RAPGEF1: variants seen among roughly 807,000 people sequenced by gnomAD.
RAPGEF1 encodes CRK SH3-binding GNRP.
In RAPGEF1, 33 loss-of-function variants were observed where a neutral mutation model predicts 143.3. The ratio of observed to expected loss-of-function variants is 0.23; its 90% confidence interval spans 0.17 to 0.31. RAPGEF1 has a LOEUF of 0.31. RAPGEF1 is among the 10% of genes least tolerant of loss of function. The pLI is 1.00. For synonymous variants in RAPGEF1, 629 were observed against 676.5 expected, an observed-to-expected ratio of 0.93 and a Z score of 1.09; for missense variants, 1,199 against 1,645.4, an observed-to-expected ratio of 0.73 and a Z score of 4.69.
chr9:131,694,826 T>C (rs955669533), intron 1 of RAPGEF1, among the ~76,000 whole-genome samples: 2 of 151,854 alleles, frequency 1.3e-5, no homozygotes, highest in African/African-American at 4.8e-5. Context: ...ACTTTAAGTT[T>C]TAGGGTACAT....
chr9:131,602,163 T>TG lies in RAPGEF1; in HGVS notation c.2413-15dup, dbSNP rs779908339. 3.8e-6 allele frequency: 6 copies of TG among 1,566,582 alleles called. 1 individual carries two copies. The Admixed American group carries it at 1.1e-4, about 29-fold the overall frequency. On this transcript the variant is annotated splice_polypyrimidine_tract_variant and intron_variant, in intron 14 of 26. Transcript: ENST00000683357. The stretch of plus-strand genomic sequence containing the variant: ...AGCCGGTGGCTCCTGGAAAGAGGAG[T>TG]GGGTGCTGAGTTCTGGACAGGGGCC...
At chr9:131,602,199 C>T in intron 14 of RAPGEF1, 50 bp from the exon 15 acceptor site, 1 of 1,374,260 alleles carries the variant, frequency 7.3e-7, no homozygotes, top group Non-Finnish European at 1.0e-6. Flanking sequence ...CTCTGCGGGG[C>T]TGCTCTGTCT....
intron 1 of RAPGEF1, among the ~76,000 whole-genome samples, chr9:131,734,238 C>T (rs1837275793): frequency 6.6e-6 from 1 of 152,182 alleles, no homozygotes; most frequent in African/African-American, 2.4e-5. Context: ...CATTCCACTT[C>T]TCCAGGGCAT....
In RAPGEF1 at chr9:131,655,789, G is replaced by A. The variant is rs534966395; in HGVS notation, c.62-4840C>T. ...TTTTTAGTAGAGACGGGGTGTCACC[G>A]TGTTAGCCAGGATGGTCTCGATCTC... On this transcript the variant is annotated intron_variant, in intron 1 of 26. Coordinates refer to ENST00000683357, the MANE Select transcript of RAPGEF1 (RefSeq NM_001377935.1). This position sits in a 1 kb window ranked among gnomAD's most constrained non-coding sequence, Gnocchi z 4.1. Among the ~76,000 whole-genome samples, 5 of 152,218 alleles carry A rather than the reference G, an allele frequency of 3.3e-5. No homozygotes were observed. Among genetic ancestry groups the A allele is most frequent in the South Asian group, 4.1e-4 (2 of 4,822 alleles).
At chr9:131,617,745 G>A (rs1205213639) in intron 12 of RAPGEF1, among the ~76,000 whole-genome samples, 1 of 152,170 alleles carries the variant, frequency 6.6e-6, no homozygotes, top group African/African-American at 2.4e-5. Flanking sequence ...CAAAATATGA[G>A]GCAAGTAAAA....
intron 18 of RAPGEF1, 144 bp downstream of exon 18, chr9:131,591,955 A>C (rs1179404871): frequency 6.8e-6 from 4 of 592,082 alleles, no homozygotes; most frequent in Non-Finnish European, 1.2e-5. Flanking sequence ...ACCTCGGTCC[A>C]TGGGGCTCCT....
At chr9:131,592,515 C>G (rs4740291) in intron 17 of RAPGEF1, among the ~76,000 whole-genome samples, 132,201 of 152,156 alleles carry the variant, frequency 0.87, 57,597 homozygotes, top group African/African-American at 0.94. Flanking sequence ...CTGGTCCCAG[C>G]GGAAAAGGGC....
At chr9:131,697,253 G>C (rs910184752) in intron 1 of RAPGEF1, among the ~76,000 whole-genome samples, 2 of 150,760 alleles carry the variant, frequency 1.3e-5, no homozygotes, top group Admixed American at 6.6e-5. Flanking sequence ...ACTCCAAGAA[G>C]GGCCCAGCTC....
intron 1 of RAPGEF1, among the ~76,000 whole-genome samples, chr9:131,698,161 CACA>C (rs1360895442): frequency 5.3e-5 from 8 of 152,268 alleles, no homozygotes; most frequent in East Asian, 1.9e-4. Flanking sequence ...ACATGCAAGC[CACA>C]ACAAGATGAT....
At chr9:131,689,116 C>A (rs1224804268) in intron 1 of RAPGEF1, among the ~76,000 whole-genome samples, 1 of 152,118 alleles carries the variant, frequency 6.6e-6, no homozygotes, top group South Asian at 2.1e-4. Flanking sequence ...GGTGATGGAA[C>A]AGAAAATGGA....
chr9:131,630,295 C>T lies in RAPGEF1; in HGVS notation c.681G>A (p.Gln227=), dbSNP rs781337827. The change falls in exon 6 of 27, where the codon CAG becomes CAA. Residue 227 remains glutamine, a synonymous_variant. Coordinates refer to ENST00000683357, the MANE Select transcript of RAPGEF1 (RefSeq NM_001377935.1). Reference sequence around the variant, plus strand: ...CGGGGCTCGTCGGAGACGGACGTCCCTGCTTCTCGATGGTGAGCCTGACCA... The same window carrying T: ...CGGGGCTCGTCGGAGACGGACGTCCTTGCTTCTCGATGGTGAGCCTGACCA... ...KELVRLTIEK[Q]GRPSPTSPVK... 14 of 1,613,906 alleles carry T rather than the reference C, an allele frequency of 8.7e-6. No homozygotes were observed. The highest frequency in any genetic ancestry group is 1.1e-5 in the Non-Finnish European group (13 of 1,179,870).
At chr9:131,734,853 G>A (rs1211524850) in intron 1 of RAPGEF1, among the ~76,000 whole-genome samples, 6 of 152,182 alleles carry the variant, frequency 3.9e-5, no homozygotes, top group African/African-American at 1.2e-4. Context: ...ATTTGAAACC[G>A]TAGCACACTG....
chr9:131,729,566 G>C (rs1311055934), intron 1 of RAPGEF1, among the ~76,000 whole-genome samples: 1 of 152,242 alleles, frequency 6.6e-6, no homozygotes, highest in African/African-American at 2.4e-5. Context: ...AAAGCCCCGG[G>C]GGAACCCCAG....
intron 5 of RAPGEF1, among the ~76,000 whole-genome samples, chr9:131,631,199 A>G (rs1442611944): frequency 1.3e-5 from 2 of 152,234 alleles, no homozygotes; most frequent in Admixed American, 6.5e-5. Context: ...TTATGGATAT[A>G]TAACTCATAT....
Position 131,671,327 on chromosome 9 carries a change from G to A in RAPGEF1, c.62-20378C>T, listed in dbSNP as rs900968940. 5.9e-5 allele frequency among the ~76,000 whole-genome samples: 9 copies of A among 152,356 alleles called. 1 individual carries two copies. In the Middle Eastern group the frequency reaches 0.01, roughly 173 times the overall value. On this transcript the variant is annotated intron_variant, in intron 1 of 26. Coordinates refer to ENST00000683357, the MANE Select transcript of RAPGEF1 (RefSeq NM_001377935.1). ...TACATCTCAGCCCGCCAGGGAGGAG[G>A]CACGGGCCACACGGTGGAGAGGCAA... is the stretch of plus-strand genomic sequence containing the variant.
At position 131,658,380 on chromosome 9, in the gene RAPGEF1, T is replaced by C. The variant is rs375106452; in HGVS notation, c.62-7431A>G. On this transcript the variant is annotated intron_variant, in intron 1 of 26. Transcript: ENST00000683357. ...TGGAAATGCCATATGCTGGTGTATT[T>C]TATTGTGATCTATCTAATCTGTGAG... 2.6e-5 allele frequency among the ~76,000 whole-genome samples: 4 copies of C among 152,246 alleles called. No individual in the cohort carries two copies. In the East Asian group the frequency reaches 5.8e-4, roughly 22 times the overall value.
chr9:131,659,879 C>T (rs199912301), intron 1 of RAPGEF1, among the ~76,000 whole-genome samples: 17 of 146,644 alleles, frequency 1.2e-4, no homozygotes, highest in Admixed American at 2.0e-4. Context: ...AGTGCAGTGG[C>T]GTGATCTCGG....
chr9:131,680,994 C>G (rs890577242), intron 1 of RAPGEF1, among the ~76,000 whole-genome samples: 12 of 152,108 alleles, frequency 7.9e-5, no homozygotes, highest in African/African-American at 2.7e-4. Flanking sequence ...AGCAATCCCC[C>G]TGGTGAGTAA....
At chr9:131,591,217 G>A (rs58748025) in intron 18 of RAPGEF1, among the ~76,000 whole-genome samples, 5,738 of 152,318 alleles carry the variant, frequency 0.038, 355 homozygotes, top group African/African-American at 0.13. Flanking sequence ...AGGTCAACAC[G>A]AGGGGAGAAT....
Sources: allele counts gnomAD v4.1 joint callset (sites outside exome capture counted in the v4.1 genomes callset), GRCh38; gene constraint gnomAD v4.1.1; non-coding constraint Gnocchi (gnomAD v3.1); transcripts MANE v1.5; gene names NCBI Gene and HGNC (gene_info 2026-07-23, HGNC 2026-07-21).